The following NFATC2 variants were observed in gnomAD, a reference collection of about 807,000 sequenced individuals.
NFATC2 encodes the protein nuclear factor of activated T-cells, cytoplasmic 2.
A neutral mutation model predicts 87.3 loss-of-function variants in NFATC2; 22 were observed. That is an observed-to-expected ratio of 0.25 (90% CI 0.18 to 0.36). The LOEUF is 0.36. NFATC2 is among the 10% of genes least tolerant of loss of function. The pLI is 1.00. For synonymous variants in NFATC2, 565 were observed against 542.2 expected, an observed-to-expected ratio of 1.04 and a Z score of -0.58; for missense variants, 1,149 against 1,259.1, an observed-to-expected ratio of 0.91 and a Z score of 1.32.
chr20:51,492,640 G>A (rs983527485), intron 3 of NFATC2, among the ~76,000 whole-genome samples: 1 of 152,216 alleles, frequency 6.6e-6, no homozygotes, highest in East Asian at 1.9e-4. Flanking sequence ...GCACCCGCCC[G>A]GGCCCGCTCC....
intron 9 of NFATC2, among the ~76,000 whole-genome samples, chr20:51,406,252 A>G (rs1988551344): frequency 6.6e-6 from 1 of 152,220 alleles, no homozygotes; most frequent in South Asian, 2.1e-4. Flanking sequence ...GTTTTCACTT[A>G]CCACCTGGCA....
chr20:51,402,531 T>C lies in NFATC2; in HGVS notation c.2723-3801A>G, dbSNP rs370113935. Among the ~76,000 whole-genome samples, 226 of 148,446 alleles carry C rather than the reference T, an allele frequency of 1.5e-3. 1 individual carries two copies. The highest frequency in any genetic ancestry group is 5.3e-3 in the African/African-American group (215 of 40,712). ...CTTGTTACTATATTGAATTGAGACATAGGAAACAAACAGTAATTCAAACCC... is the reference window on the plus strand; with the variant it reads ...CTTGTTACTATATTGAATTGAGACACAGGAAACAAACAGTAATTCAAACCC... On this transcript the variant is annotated intron_variant, in intron 9 of 10. Transcript: ENST00000371564.
Position 51,387,136 on chromosome 20 carries a change from C to T in NFATC2, c.*4360G>A, listed in dbSNP as rs1369470298. On this transcript the variant is annotated 3_prime_UTR_variant, in exon 11 of 11. Transcript: ENST00000371564. ...TTTCTAAACCTAAGCCTGCCAGCAC[C>T]ACCATGTTGGAGAGACCTGTTTGTT... 1.3e-5 allele frequency: 2 copies of T among 152,202 alleles called. No individual in the cohort carries two copies. Among genetic ancestry groups the T allele is most frequent in the Non-Finnish European group, 2.9e-5 (2 of 68,040 alleles). 9.4% of individuals were successfully genotyped at this position (152,202 alleles called of 1,614,324 possible). A position where few individuals can be genotyped will look rare whatever the true frequency, so the allele number is the denominator to read the frequency against.
chr20:51,541,199 A>G (rs923133717), intron 1 of NFATC2, among the ~76,000 whole-genome samples: 47 of 152,212 alleles, frequency 3.1e-4, no homozygotes, highest in African/African-American at 1.1e-3. Context: ...ACATCAGGCC[A>G]CCAAGCCTCC....
rs1272872183 is a variant in NFATC2, at chr20:51,398,616, AAAGGAG to A, written c.*44+21_*44+26del. ...TAAGGAAACACACAGCTGGAAAACAAAAGGAGAAGCAGAAGATATCGATTACCTTTA... is the reference window on the plus strand; with the variant it reads ...TAAGGAAACACACAGCTGGAAAACAAAAGCAGAAGATATCGATTACCTTTA... On this transcript the variant is annotated intron_variant, in intron 10 of 10. Transcript: ENST00000371564. The A allele has an allele frequency of 2.5e-5, 38 of 1,525,584 alleles. No individual in the cohort carries two copies. In the Admixed American group the frequency reaches 7.8e-4, roughly 31 times the overall value. 94.5% of individuals were successfully genotyped at this position (1,525,584 alleles called of 1,614,324 possible). A position where few individuals can be genotyped will look rare whatever the true frequency, so the allele number is the denominator to read the frequency against.
intron 5 of NFATC2, among the ~76,000 whole-genome samples, chr20:51,462,669 C>G (rs997761402): frequency 3.9e-5 from 6 of 152,176 alleles, no homozygotes; most frequent in African/African-American, 1.4e-4. Flanking sequence ...CAGCACTAAC[C>G]TCACTGGGCT....
intron 6 of NFATC2, among the ~76,000 whole-genome samples, chr20:51,452,705 G>A (rs1039890060): frequency 2.6e-5 from 4 of 152,174 alleles, no homozygotes; most frequent in Non-Finnish European, 5.9e-5. Flanking sequence ...AGTGCACCAC[G>A]TGAACAAAAC....
intron 3 of NFATC2, among the ~76,000 whole-genome samples, chr20:51,491,766 G>A (rs751706226): frequency 1.3e-5 from 2 of 151,710 alleles, no homozygotes; most frequent in Non-Finnish European, 2.9e-5. Context: ...CATCTGTTTA[G>A]GTGCATAACT....
At chr20:51,555,321 C>G (rs552659327) in intron 1 of NFATC2, among the ~76,000 whole-genome samples, 1 of 152,094 alleles carries the variant, frequency 6.6e-6, no homozygotes, top group Admixed American at 6.5e-5. Context: ...GGGCCGGGTG[C>G]GGTGGCTCAT....
At chr20:51,412,965 G>A (rs1374193562) in intron 9 of NFATC2, among the ~76,000 whole-genome samples, 4 of 11,602 alleles carry the variant, frequency 3.4e-4, no homozygotes, top group African/African-American at 1.5e-3. Context: ...CCGCCCCACC[G>A]ACCCCGGCCC....
intron 9 of NFATC2, among the ~76,000 whole-genome samples, chr20:51,411,802 C>T (rs565786603): frequency 6.6e-6 from 1 of 152,034 alleles, no homozygotes; most frequent in Non-Finnish European, 1.5e-5. Flanking sequence ...TACCGAAATT[C>T]CAGGTGTGAG....
At chr20:51,510,586 T>C (rs1388554424) in intron 3 of NFATC2, among the ~76,000 whole-genome samples, 1 of 152,220 alleles carries the variant, frequency 6.6e-6, no homozygotes, top group Non-Finnish European at 1.5e-5. Flanking sequence ...AACCCTAGAC[T>C]TGTTCTACTT....
intron 3 of NFATC2, 117 bp from the exon 4 acceptor site, chr20:51,475,777 T>A: frequency 1.0e-6 from 1 of 993,132 alleles, no homozygotes; most frequent in East Asian, 2.6e-5. Context: ...TTCTGCAGCA[T>A]CTGGAAGAAT....
intron 6 of NFATC2, among the ~76,000 whole-genome samples, chr20:51,440,976 T>C (rs961297992): frequency 1.1e-4 from 17 of 152,134 alleles, no homozygotes; most frequent in African/African-American, 3.4e-4. Flanking sequence ...CATGGGGCAG[T>C]AGAATTCAAA....
At chr20:51,434,732 C>T (rs891796046) in intron 8 of NFATC2, among the ~76,000 whole-genome samples, 1 of 152,106 alleles carries the variant, frequency 6.6e-6, no homozygotes, top group African/African-American at 2.4e-5. Context: ...GGGAATGAGA[C>T]CTCCTGACCC....
chr20:51,526,047 G>A (rs900777768), intron 1 of NFATC2, among the ~76,000 whole-genome samples: 6 of 151,284 alleles, frequency 4.0e-5, no homozygotes, highest in African/African-American at 1.5e-4. Context: ...CCCTCCCCGC[G>A]AGATCCTCCC....
chr20:51,455,444 C>T (rs1986297670), intron 5 of NFATC2, among the ~76,000 whole-genome samples: 1 of 151,874 alleles, frequency 6.6e-6, no homozygotes, highest in Admixed American at 6.6e-5. Context: ...TTAACCCACC[C>T]CATCCCCTCC....
intron 2 of NFATC2, among the ~76,000 whole-genome samples, chr20:51,521,486 AT>A (rs1204257208): frequency 6.6e-6 from 1 of 152,070 alleles, no homozygotes; most frequent in Non-Finnish European, 1.5e-5. Flanking sequence ...ACACCCAGCT[AT>A]TTTTTGTATT....
intron 9 of NFATC2, among the ~76,000 whole-genome samples, chr20:51,414,246 G>A (rs1042727573): frequency 6.6e-6 from 1 of 152,054 alleles, no homozygotes; most frequent in Non-Finnish European, 1.5e-5. Flanking sequence ...CCAGAGACTC[G>A]AGCAAGGGAG....
Sources: gnomAD v4.1 joint callset for allele counts (sites outside exome capture counted in the v4.1 genomes callset) on GRCh38, gnomAD v4.1.1 for gene constraint, MANE v1.5 for transcripts, NCBI Gene and HGNC (gene_info 2026-07-23, HGNC 2026-07-21) for gene names.